Variants in DCAF12 observed in about 807,000 individuals in gnomAD.
DCAF12 encodes DDB1 and CUL4 associated factor 12, also known as DDB1- and CUL4-associated factor 12.
DCAF12 carries 28 observed loss-of-function variants against 52.8 expected under a neutral mutation model. The ratio of observed to expected loss-of-function variants is 0.53; its 90% confidence interval spans 0.39 to 0.73. DCAF12 has a LOEUF of 0.73. DCAF12 is among the 30% of genes least tolerant of loss of function. The pLI is 0.00. For synonymous variants in DCAF12, 196 were observed against 215.5 expected (o/e 0.91, Z 0.79); for missense variants, 425 against 552.2 (o/e 0.77, Z 2.31).
chr9:34,117,118 G>A (rs1248192238), intron 2 of DCAF12, among the ~76,000 whole-genome samples: 1 of 152,170 alleles, frequency 6.6e-6, no homozygotes, highest in Non-Finnish European at 1.5e-5. Flanking sequence ...TTCATAATAG[G>A]TCTTGAATTC....
intron 5 of DCAF12, among the ~76,000 whole-genome samples, chr9:34,097,938 A>AT (rs1828761872): frequency 1.4e-5 from 2 of 144,982 alleles, no homozygotes; most frequent in South Asian, 2.3e-4. Flanking sequence ...AGTCTCAAAA[A>AT]GAAAAAAAAA....
chr9:34,124,109 T>C (rs993200312), intron 2 of DCAF12, among the ~76,000 whole-genome samples: 1 of 152,228 alleles, frequency 6.6e-6, no homozygotes, highest in African/African-American at 2.4e-5. Context: ...CAGACACTTC[T>C]CCTAGTACTT....
chr9:34,106,365 T>C, intron 4 of DCAF12, 69 bp downstream of exon 4: 3 of 1,354,474 alleles, frequency 2.2e-6, no homozygotes, highest in Non-Finnish European at 3.1e-6. Context: ...ATCACACTAC[T>C]ATCCCTTTTC....
intron 2 of DCAF12, among the ~76,000 whole-genome samples, chr9:34,123,819 A>G (rs564308955): frequency 3.4e-4 from 52 of 152,004 alleles, no homozygotes; most frequent in African/African-American, 1.3e-3. Context: ...CCAAGTGACA[A>G]GGATGACAGT....
intron 2 of DCAF12, among the ~76,000 whole-genome samples, chr9:34,121,898 G>A (rs1231006839): frequency 6.6e-6 from 1 of 152,046 alleles, no homozygotes; most frequent in Non-Finnish European, 1.5e-5. Context: ...AGCTGAGATC[G>A]CGCCACTGCA....
chr9:34,107,099 C>T (rs1828915288), intron 3 of DCAF12, among the ~76,000 whole-genome samples: 1 of 152,162 alleles, frequency 6.6e-6, no homozygotes, highest in South Asian at 2.1e-4. Context: ...CAATAAATGC[C>T]TGATGAATGA....
rs1174350058 is a variant in DCAF12 at position 34,088,424 on chromosome 9, C to T, written c.1288G>A (p.Gly430Arg). Residue 430 changes from glycine to arginine, a missense_variant, in exon 9 of 9, where the codon GGA (glycine) becomes AGA (arginine). By Grantham distance (125) the Gly-to-Arg change is moderately radical. Transcript: ENST00000361264. Reference protein sequence around the residue: ...AVYTHCYDSSGTKLFVAGGPL... With the variant: ...AVYTHCYDSSRTKLFVAGGPL... ...CCTCCTGCCACAAAGAGTTTCGTTC[C>T]AGACGAGTCGTAGCAGTGGGTGTAA... 1 of 1,614,054 alleles carries T rather than the reference C, an allele frequency of 6.2e-7. No individual in the cohort carries two copies. The highest frequency in any genetic ancestry group is 8.5e-7 in the Non-Finnish European group (1 of 1,179,956).
chr9:34,093,111 A>G (rs1828672443), intron 7 of DCAF12, among the ~76,000 whole-genome samples, 175 bp downstream of exon 7: 1 of 152,236 alleles, frequency 6.6e-6, no homozygotes, highest in African/African-American at 2.4e-5. Flanking sequence ...GGCCTCCCAA[A>G]GTGCTGGGAT....
intron 7 of DCAF12, among the ~76,000 whole-genome samples, chr9:34,092,716 G>T (rs1828665024): frequency 6.6e-6 from 1 of 151,488 alleles, no homozygotes; most frequent in African/African-American, 2.4e-5. Flanking sequence ...CAAAAAAAAA[G>T]TAGAGCTTTC....
intron 5 of DCAF12, among the ~76,000 whole-genome samples, chr9:34,097,256 C>CTTTT (rs999860045): frequency 2.1e-4 from 20 of 94,858 alleles, no homozygotes; most frequent in African/African-American, 2.7e-4. Context: ...TCTGACACTG[C>CTTTT]TTTTTTTTTT....
intron 3 of DCAF12, 26 bp from the exon 4 acceptor site, chr9:34,106,520 C>A: frequency 6.3e-7 from 1 of 1,583,376 alleles, no homozygotes; most frequent in Middle Eastern, 1.7e-4. Context: ...GTAACAGGTA[C>A]AGGGAGGAAA....
At chr9:34,107,289 G>C in intron 3 of DCAF12, 70 bp downstream of exon 3, 1 of 1,451,454 alleles carries the variant, frequency 6.9e-7, no homozygotes, top group South Asian at 1.1e-5. Context: ...TGAGAGGAGG[G>C]TCCATGTTAA....
At chr9:34,116,305 G>A (rs111818999) in intron 2 of DCAF12, among the ~76,000 whole-genome samples, 2,764 of 151,952 alleles carry the variant, frequency 0.018, 88 homozygotes, top group African/African-American at 0.062. Context: ...TGCAGAGATC[G>A]CGCCACTGAA....
At chr9:34,089,875 A>AT (rs944160267) in intron 7 of DCAF12, 1 of 299,550 alleles carries the variant, frequency 3.3e-6, no homozygotes, top group Non-Finnish European at 6.2e-6. Context: ...GCCGAAGACC[A>AT]TAAGTGCTGA....
rs1344847500 is a variant in DCAF12 at position 34,086,640 on chromosome 9, T to C, written c.*1710A>G. On this transcript the variant is annotated 3_prime_UTR_variant, in exon 9 of 9. Coordinates refer to ENST00000361264, the MANE Select transcript of DCAF12 (RefSeq NM_015397.4). ...AAAATTAAGACAATTAAAAGATCTATAGCATCCAGCATTTTGCTTAATTCC... is the reference window on the plus strand; with the variant it reads ...AAAATTAAGACAATTAAAAGATCTACAGCATCCAGCATTTTGCTTAATTCC... The C allele has an allele frequency of 6.6e-6, 1 of 152,146 alleles. No individual in the cohort carries two copies. The highest frequency in any genetic ancestry group is 1.9e-4 in the East Asian group (1 of 5,200). The allele number at this position is 152,146 out of a possible 1,614,324, so 9.4% of individuals were successfully genotyped here.
intron 2 of DCAF12, among the ~76,000 whole-genome samples, chr9:34,113,738 G>A (rs1374800053): frequency 6.6e-6 from 1 of 152,182 alleles, no homozygotes. Context: ...GAATTTGCAT[G>A]TTTACTGCAG....
intron 6 of DCAF12, chr9:34,095,798 G>A (rs545711308): frequency 1.3e-5 from 2 of 152,064 alleles, no homozygotes; most frequent in Admixed American, 6.6e-5. Context: ...TAATTTGATC[G>A]ATCTTCAATT....
In DCAF12 at chr9:34,126,472, G is replaced by A. The variant is rs1017697599; in HGVS notation, c.-41C>T. On this transcript the variant is annotated 5_prime_UTR_variant, in exon 1 of 9. Transcript: ENST00000361264. ...CGCGGCCCCGCAGCCACATGGGGCG[G>A]GGGAAGCGAAGGATAGCAGGACGGC... The A allele has an allele frequency of 1.9e-6, 3 of 1,590,994 alleles. No individual in the cohort carries two copies. The highest frequency in any genetic ancestry group is 2.6e-6 in the Non-Finnish European group (3 of 1,174,606).
intron 2 of DCAF12, 121 bp from the exon 3 acceptor site, chr9:34,107,686 C>G: frequency 1.2e-6 from 1 of 802,056 alleles, no homozygotes; most frequent in Non-Finnish European, 2.0e-6. Flanking sequence ...ATGTTAGACC[C>G]TAGGAATTAT....
Sources: allele counts gnomAD v4.1 joint callset (sites outside exome capture counted in the v4.1 genomes callset), GRCh38; gene constraint gnomAD v4.1.1; transcripts MANE v1.5; gene names NCBI Gene and HGNC (gene_info 2026-07-23, HGNC 2026-07-21).